The following DLG2 variants were observed in gnomAD, a reference collection of about 807,000 sequenced individuals.
DLG2 encodes discs large MAGUK scaffold protein 2.
A neutral mutation model predicts 132.5 loss-of-function variants in DLG2; 45 were observed. That is an observed-to-expected ratio of 0.34 (90% CI 0.27 to 0.44). The LOEUF is 0.44. DLG2 is among the 20% of genes least tolerant of loss of function. The probability of loss-of-function intolerance (pLI) is 1.00; values close to 1 mark genes in which losing one functional copy is unlikely to be tolerated. For synonymous variants in DLG2, 424 were observed against 419.6 expected, an observed-to-expected ratio of 1.01 and a Z score of -0.13; for missense variants, 1,045 against 1,196.9, an observed-to-expected ratio of 0.87 and a Z score of 1.87.
At position 84,502,204 on chromosome 11, in the gene DLG2, TTCCTTCC is replaced by T. The variant is rs2099211351; in HGVS notation, c.519+32359_519+32365del. Among the ~76,000 whole-genome samples the T allele has an allele frequency of 3.8e-4, 2 of 5,276 alleles. 1 individual carries two copies. The highest frequency in any genetic ancestry group is 6.5e-4 in the Non-Finnish European group (2 of 3,060). The allele number at this position is 5,276 out of a possible 152,430, so 3.5% of individuals were successfully genotyped here. On this transcript the variant is annotated intron_variant, in intron 7 of 27. Coordinates refer to ENST00000376104, the MANE Select transcript of DLG2 (RefSeq NM_001142699.3). ...TCTCTCTTTCTCTCTCTCTCTCTCC[TTCCTTCC>T]TTCCTTCCTTCCTTCCTTCCTTCCT...
rs138833385 is a variant in DLG2, at chr11:84,027,437, T to C, written c.919+31878A>G. The stretch of plus-strand genomic sequence containing the variant: ...CAATCATATTTTTTCATAATGAATA[T>C]ACAATGATCAAAACATGAAGCCTCT... On this transcript the variant is annotated intron_variant, in intron 11 of 27. Coordinates refer to ENST00000376104, the MANE Select transcript of DLG2 (RefSeq NM_001142699.3). Among the ~76,000 whole-genome samples the C allele has an allele frequency of 6.0e-3, 910 of 152,142 alleles. 9 individuals are homozygous for C. The highest frequency in any genetic ancestry group is 0.021 in the African/African-American group (877 of 41,528).
At chr11:84,584,800 T>C (rs2154529649) in intron 6 of DLG2, among the ~76,000 whole-genome samples, 1 of 144,608 alleles carries the variant, frequency 6.9e-6, no homozygotes, top group African/African-American at 2.6e-5. Context: ...GCCATTCTCC[T>C]GCCTCAGCCT....
At chr11:85,403,973 A>G (rs1007551869) in intron 3 of DLG2, among the ~76,000 whole-genome samples, 1 of 152,064 alleles carries the variant, frequency 6.6e-6, no homozygotes, top group African/African-American at 2.4e-5. Context: ...TGAAGCGGGG[A>G]GAAGAACCAT....
intron 3 of DLG2, among the ~76,000 whole-genome samples, chr11:85,429,162 G>A (rs967256043): frequency 3.9e-5 from 6 of 152,262 alleles, no homozygotes; most frequent in South Asian, 2.1e-4. Context: ...AAGAAGTCCA[G>A]GACCAGATGG....
chr11:83,551,192 G>A (rs1045525569), intron 19 of DLG2, among the ~76,000 whole-genome samples: 4 of 152,016 alleles, frequency 2.6e-5, no homozygotes, highest in Non-Finnish European at 5.9e-5. Flanking sequence ...ACACATGAGA[G>A]CTTTTAGAAT....
intron 12 of DLG2, among the ~76,000 whole-genome samples, chr11:83,965,810 G>T (rs1031252171): frequency 6.6e-6 from 1 of 151,806 alleles, no homozygotes; most frequent in Non-Finnish European, 1.5e-5. Context: ...ACTTAAAAAA[G>T]AAGAAAATAA....
intron 3 of DLG2, among the ~76,000 whole-genome samples, chr11:85,308,366 G>A (rs889649759): frequency 2.6e-5 from 4 of 151,724 alleles, no homozygotes; most frequent in Non-Finnish European, 5.9e-5. Flanking sequence ...AATGTGCCCA[G>A]GATGCCGATT....
intron 3 of DLG2, among the ~76,000 whole-genome samples, chr11:85,308,314 C>T (rs1193391463): frequency 6.6e-6 from 1 of 151,330 alleles, no homozygotes; most frequent in Admixed American, 6.6e-5. Flanking sequence ...TGCTAGTTAT[C>T]CTATTTACCC....
At chr11:84,185,294 G>C (rs2096252010) in intron 8 of DLG2, among the ~76,000 whole-genome samples, 1 of 152,098 alleles carries the variant, frequency 6.6e-6, no homozygotes, top group Non-Finnish European at 1.5e-5. Context: ...CATGTCCCTT[G>C]TAAGTTGGAT....
In DLG2 at chr11:84,502,415, T is replaced by TTTCTTTCG. The variant is rs58799252; in HGVS notation, c.519+32154_519+32155insCGAAAGAA. Among the ~76,000 whole-genome samples, 47 of 99,878 alleles carry TTTCTTTCG rather than the reference T, an allele frequency of 4.7e-4. 11 individuals are homozygous for TTTCTTTCG. Among genetic ancestry groups the TTTCTTTCG allele is most frequent in the East Asian group, 2.0e-3 (8 of 4,028 alleles). The allele number at this position is 99,878 out of a possible 152,430, so 65.5% of individuals were successfully genotyped here. On this transcript the variant is annotated intron_variant, in intron 7 of 27. Transcript: ENST00000376104. ...CTTTCTTTCTTTCTTTCTTTCTTTC[T>TTTCTTTCG]ATACAGAGTCTCATGCTGTCACCCA...
At position 85,067,990 on chromosome 11, in the gene DLG2, T is replaced by G. The variant is rs573387171; in HGVS notation, c.357+43671A>C. ...GCTTCGTCCCTGGGACGCAAGGCTG[T>G]TTCAACATATGCAAATCAATAAACG... is the stretch of plus-strand genomic sequence containing the variant. On this transcript the variant is annotated intron_variant, in intron 6 of 27. Transcript: ENST00000376104. 5.9e-5 allele frequency among the ~76,000 whole-genome samples: 9 copies of G among 152,034 alleles called. No homozygotes were observed. The East Asian group carries it at 1.4e-3, about 23-fold the overall frequency.
chr11:85,514,507 G>T (rs972911226), intron 3 of DLG2, among the ~76,000 whole-genome samples: 2 of 151,856 alleles, frequency 1.3e-5, no homozygotes, highest in Admixed American at 1.3e-4. Flanking sequence ...TTCATCTCTG[G>T]GTATAGGTAC....
chr11:84,236,979 T>C lies in DLG2; in HGVS notation c.573+14259A>G, dbSNP rs947841111. ...AGTCTCACTCTGTCACTCAGGCTAG[T>C]GTGCAGTGGCATCATCTCGGCTCAC... On this transcript the variant is annotated intron_variant, in intron 8 of 27. Transcript: ENST00000376104. Among the ~76,000 whole-genome samples, 8 of 150,342 alleles carry C rather than the reference T, an allele frequency of 5.3e-5. 1 individual carries two copies. The highest frequency in any genetic ancestry group is 5.3e-4 in the Admixed American group (8 of 15,058).
intron 8 of DLG2, among the ~76,000 whole-genome samples, chr11:84,212,422 C>T (rs6592172): frequency 0.99 from 150,765 of 152,332 alleles, 74,607 homozygotes; most frequent in East Asian, 1. Context: ...CTGCAATCCC[C>T]CTTGGGGCAC....
chr11:84,925,770 G>T (rs2092955238), intron 6 of DLG2, among the ~76,000 whole-genome samples: 1 of 152,086 alleles, frequency 6.6e-6, no homozygotes, highest in Non-Finnish European at 1.5e-5. Context: ...GTAAAATGGG[G>T]ATAACATGTA....
At chr11:85,391,571 T>A (rs1209054603) in intron 3 of DLG2, among the ~76,000 whole-genome samples, 2 of 152,090 alleles carry the variant, frequency 1.3e-5, no homozygotes, top group Non-Finnish European at 2.9e-5. Flanking sequence ...CAACAGCTTA[T>A]GAAAAAGATC....
At chr11:84,500,566 G>T (rs1209742423) in intron 7 of DLG2, among the ~76,000 whole-genome samples, 4 of 152,100 alleles carry the variant, frequency 2.6e-5, no homozygotes, top group Non-Finnish European at 5.9e-5. Flanking sequence ...CTATAATCTG[G>T]CTAGGAAGTG....
intron 9 of DLG2, among the ~76,000 whole-genome samples, chr11:84,120,586 A>G (rs1362031843): frequency 6.6e-6 from 1 of 152,230 alleles, no homozygotes; most frequent in Non-Finnish European, 1.5e-5. Flanking sequence ...CAGAGTGGGT[A>G]AAGAGACTGG....
At chr11:84,188,859 A>C (rs1001729595) in intron 8 of DLG2, among the ~76,000 whole-genome samples, 3 of 152,190 alleles carry the variant, frequency 2.0e-5, no homozygotes, top group African/African-American at 7.2e-5. Context: ...GGCTTGCCTG[A>C]GTATACCCTC....
Sources: gnomAD v4.1 joint callset for allele counts (sites outside exome capture counted in the v4.1 genomes callset) on GRCh38, gnomAD v4.1.1 for gene constraint, MANE v1.5 for transcripts, NCBI Gene and HGNC (gene_info 2026-07-23, HGNC 2026-07-21) for gene names.